Variants in MYH11 observed in about 807,000 individuals in gnomAD.
MYH11 encodes myosin heavy chain 11.
MYH11 carries 80 observed loss-of-function variants against 246.6 expected under a neutral mutation model. The ratio of observed to expected loss-of-function variants is 0.32; its 90% CI spans 0.27 to 0.39. MYH11 has a LOEUF of 0.39. Ranked by LOEUF, MYH11 falls within the 10% of genes least tolerant of loss-of-function variation. The probability of loss-of-function intolerance (pLI) is 1.00; values close to 1 mark genes in which losing one functional copy is unlikely to be tolerated. For synonymous variants in MYH11, 1,071 were observed against 1,015.5 expected (o/e 1.05, Z -1.04); for missense variants, 2,158 against 2,546.8 (o/e 0.85, Z 3.29).
chr16:15,846,024 G>A (rs570849438), intron 1 of MYH11, among the ~76,000 whole-genome samples: 6 of 152,142 alleles, frequency 3.9e-5, no homozygotes, highest in East Asian at 1.9e-4. Context: ...ACTTGAACCC[G>A]GGAGGTGGAG....
At chr16:15,754,168 G>A (rs2041652122) in intron 14 of MYH11, among the ~76,000 whole-genome samples, 1 of 152,180 alleles carries the variant, frequency 6.6e-6, no homozygotes, top group African/African-American at 2.4e-5. Context: ...AGTGAGCTGA[G>A]ATTGCGCCAC....
intron 25 of MYH11, among the ~76,000 whole-genome samples, chr16:15,737,102 T>G (rs2041140143): frequency 6.6e-6 from 1 of 151,274 alleles, no homozygotes; most frequent in African/African-American, 2.4e-5. Flanking sequence ...TAGACAGGGG[T>G]GTTTGAGATG....
At chr16:15,825,427 A>T (rs550500273) in intron 2 of MYH11, among the ~76,000 whole-genome samples, 61 of 150,506 alleles carry the variant, frequency 4.1e-4, no homozygotes, top group African/African-American at 1.5e-3. Flanking sequence ...CATGGTGGTG[A>T]TCACCTGTAG....
intron 15 of MYH11, among the ~76,000 whole-genome samples, chr16:15,752,511 GC>G (rs1454655766): frequency 6.6e-6 from 1 of 152,074 alleles, no homozygotes; most frequent in East Asian, 1.9e-4. Context: ...ATGTTTTCAG[GC>G]CCGCCCCATC....
At chr16:15,734,249 G>C (rs2030077999) in intron 26 of MYH11, among the ~76,000 whole-genome samples, 1 of 152,148 alleles carries the variant, frequency 6.6e-6, no homozygotes, top group East Asian at 1.9e-4. Flanking sequence ...CAGACAGGAA[G>C]GAATTTCTCA....
intron 10 of MYH11, 55 bp downstream of exon 10, chr16:15,763,741 T>TCGGCCGCCCCCCCCCCC: frequency 1.5e-6 from 1 of 646,862 alleles, no homozygotes. Context: ...AAATGTCACC[T>TCGGCCGCCCCCCCCCCC]CCCCCACCCC....
At chr16:15,805,690 T>C (rs1311867451) in intron 3 of MYH11, among the ~76,000 whole-genome samples, 1 of 152,104 alleles carries the variant, frequency 6.6e-6, no homozygotes, top group Admixed American at 6.6e-5. Context: ...GGCAGGTGGA[T>C]TGCTTGAGCC....
At chr16:15,710,171 C>G (rs1280102377) in intron 40 of MYH11, among the ~76,000 whole-genome samples, 2 of 152,146 alleles carry the variant, frequency 1.3e-5, no homozygotes, top group African/African-American at 2.4e-5. Context: ...CTTGGCTGCC[C>G]AAGAAGGCTC....
intron 27 of MYH11, among the ~76,000 whole-genome samples, chr16:15,727,695 A>G (rs749776559): frequency 3.9e-5 from 6 of 152,202 alleles, no homozygotes; most frequent in Middle Eastern, 3.2e-3. Context: ...GTTTGAAGGC[A>G]TGCCATGGCA....
Position 15,745,095 on chromosome 16 carries a change from G to T in MYH11, c.2520+34C>A, listed in dbSNP as rs375128609. On this transcript the variant is annotated intron_variant, in intron 20 of 40. Transcript: ENST00000300036. ...CCAGAGTGAAGAAGCAGGGCTGGGG[G>T]CCCCTGGGAAGGGGGCTGGGGCAGA... 1.7e-5 allele frequency: 27 copies of T among 1,543,556 alleles called. No homozygotes were observed. The African/African-American group carries it at 2.8e-4, about 16-fold the overall frequency.
intron 2 of MYH11, among the ~76,000 whole-genome samples, chr16:15,826,440 T>A (rs1232434669): frequency 6.6e-6 from 1 of 151,810 alleles, no homozygotes; most frequent in African/African-American, 2.4e-5. Flanking sequence ...AATTTAAAAA[T>A]TAGCTGGGCA....
intron 27 of MYH11, among the ~76,000 whole-genome samples, chr16:15,730,176 C>G (rs780401143): frequency 2.4e-4 from 37 of 152,116 alleles, no homozygotes; most frequent in African/African-American, 7.7e-4. Context: ...GAAGCAGAAG[C>G]TGCTATGCTT....
chr16:15,848,263 C>T (rs1041548421), intron 1 of MYH11, among the ~76,000 whole-genome samples: 14 of 137,430 alleles, frequency 1.0e-4, no homozygotes, highest in African/African-American at 3.3e-4. Context: ...CACAGAGTCT[C>T]GCTCTGTTAC....
At chr16:15,720,412 C>T in intron 33 of MYH11, 100 bp from the exon 34 acceptor site, 2 of 1,478,054 alleles carry the variant, frequency 1.4e-6, no homozygotes, top group South Asian at 1.2e-5. Context: ...CAGCACAGCC[C>T]CCTTGTGAGG....
chr16:15,738,978 C>T (rs1360126546), intron 23 of MYH11, among the ~76,000 whole-genome samples: 1 of 152,162 alleles, frequency 6.6e-6, no homozygotes, highest in Admixed American at 6.5e-5. Context: ...GCACAGTGGG[C>T]CAACCAGCTG....
Position 15,742,673 on chromosome 16 carries a change from G to A in MYH11, c.2521-782C>T, listed in dbSNP as rs1025281694. Among the ~76,000 whole-genome samples the A allele has an allele frequency of 2.0e-5, 3 of 152,150 alleles. No individual in the cohort carries two copies. In the East Asian group the frequency reaches 5.8e-4, roughly 30 times the overall value. On this transcript the variant is annotated intron_variant, in intron 20 of 40. Transcript: ENST00000300036. ...TTGAACCCTGCAGGCTGAGGCTGCA[G>A]TGAGCCACGATTGTGCCACTGCACT...
At chr16:15,777,940 CCT>C (rs2042261675) in intron 7 of MYH11, among the ~76,000 whole-genome samples, 1 of 152,096 alleles carries the variant, frequency 6.6e-6, no homozygotes, top group Non-Finnish European at 1.5e-5. Context: ...CACAACCCAC[CCT>C]CTTATCCAGG....
chr16:15,775,350 T>C (rs1015438248), intron 8 of MYH11, among the ~76,000 whole-genome samples: 1 of 152,220 alleles, frequency 6.6e-6, no homozygotes, highest in African/African-American at 2.4e-5. Flanking sequence ...GATTTATGTG[T>C]TGCCTATGTT....
At chr16:15,835,104 G>A (rs2043858224) in intron 2 of MYH11, among the ~76,000 whole-genome samples, 1 of 150,686 alleles carries the variant, frequency 6.6e-6, no homozygotes, top group Admixed American at 6.6e-5. Flanking sequence ...AAAGTTATGA[G>A]TTGCTAAGTT....
Sources: gnomAD v4.1 joint callset for allele counts (sites outside exome capture counted in the v4.1 genomes callset) on GRCh38, gnomAD v4.1.1 for gene constraint, MANE v1.5 for transcripts, NCBI Gene and HGNC (gene_info 2026-07-23, HGNC 2026-07-21) for gene names.